PLA2G4E: variants seen among roughly 807,000 people sequenced by gnomAD.
PLA2G4E encodes the protein phospholipase A2 group IVE.
In PLA2G4E, 84 loss-of-function variants were observed where a neutral mutation model predicts 109.1. The observed-to-expected ratio is 0.77, with a 90% confidence interval of 0.65 to 0.92. The LOEUF (loss-of-function observed/expected upper bound fraction) is 0.92, where lower values mean the gene tolerates loss of function less well. Ranked by LOEUF, PLA2G4E falls within the 40% of genes least tolerant of loss-of-function variation. The probability of loss-of-function intolerance (pLI) is 0.00; values close to 1 mark genes in which losing one functional copy is unlikely to be tolerated. For missense variants in PLA2G4E, 1,057 were observed against 1,076.6 expected, an observed-to-expected ratio of 0.98 and a Z score of 0.25; for synonymous variants, 469 against 436.1, an observed-to-expected ratio of 1.08 and a Z score of -0.94.
At chr15:41,984,539 A>G in exon 19 of PLA2G4E, 1 of 1,613,754 alleles carries the variant, frequency 6.2e-7, no homozygotes, top group Non-Finnish European at 8.5e-7. Context: ...ATTCCTTGAG[A>G]TTTTCATTCT....
chr15:42,030,886 C>G (rs1187208391), intron 1 of PLA2G4E, among the ~76,000 whole-genome samples: 3 of 152,232 alleles, frequency 2.0e-5, no homozygotes, highest in African/African-American at 7.2e-5. Context: ...CAAGAGTTTA[C>G]TTTTTCATTG....
At position 42,010,131 on chromosome 15, in the gene PLA2G4E, GGC is replaced by G. The variant is rs2068518327; in HGVS notation, c.257-2268_257-2267del. On this transcript the variant is annotated intron_variant, in intron 2 of 19. Transcript: ENST00000399518. The stretch of plus-strand genomic sequence containing the variant: ...CTTCCCTTGGCTTTTCCAGAACACT[GGC>G]CCCCCCACCCCGGGCCTGGACCACA... 6.8e-6 allele frequency: 3 copies of G among 440,596 alleles called. 1 individual carries two copies. In the African/African-American group the frequency reaches 9.0e-5, roughly 13 times the overall value. The allele number at this position is 440,596 out of a possible 1,614,324, so 27.3% of individuals were successfully genotyped here.
At chr15:42,026,337 G>A (rs1325945013) in intron 1 of PLA2G4E, among the ~76,000 whole-genome samples, 1 of 152,094 alleles carries the variant, frequency 6.6e-6, no homozygotes, top group African/African-American at 2.4e-5. Flanking sequence ...CTGTTTAATG[G>A]GTGACATGGC....
chr15:42,040,199 C>A (rs1473094431), intron 1 of PLA2G4E, among the ~76,000 whole-genome samples: 1 of 151,818 alleles, frequency 6.6e-6, no homozygotes. Flanking sequence ...AACACACACA[C>A]ACACGCACAC....
In PLA2G4E at chr15:41,984,426, G is replaced by C; in HGVS notation, c.2386+10C>G. ...GCAGGTGCTGGGAACTGAGCACAGA[G>C]GCAGCTCACCTGGTGCCTTGTATTT... On this transcript the variant is annotated intron_variant, in intron 19 of 19. Coordinates refer to ENST00000399518, the Ensembl canonical transcript of PLA2G4E. 6.2e-7 allele frequency: 1 copy of C among 1,607,088 alleles called. No individual in the cohort carries two copies.
intron 11 of PLA2G4E, among the ~76,000 whole-genome samples, chr15:41,995,873 A>G (rs2068331346): frequency 6.6e-6 from 1 of 152,184 alleles, no homozygotes; most frequent in Non-Finnish European, 1.5e-5. Context: ...GCGATCCCTC[A>G]ATGGGACAAA....
chr15:41,988,099 G>C, exon 16 of PLA2G4E: 1 of 1,608,392 alleles, frequency 6.2e-7, no homozygotes, highest in South Asian at 1.1e-5. Flanking sequence ...CTCCTCCGAG[G>C]TGTGTGACAG....
At chr15:42,025,493 C>T (rs943526346) in intron 1 of PLA2G4E, among the ~76,000 whole-genome samples, 1 of 152,080 alleles carries the variant, frequency 6.6e-6, no homozygotes, top group African/African-American at 2.4e-5. Context: ...TACCTCCCCC[C>T]ACCCCCCACT....
intron 12 of PLA2G4E, among the ~76,000 whole-genome samples, chr15:41,994,118 A>G (rs2068297913): frequency 6.6e-6 from 1 of 152,142 alleles, no homozygotes; most frequent in Non-Finnish European, 1.5e-5. Flanking sequence ...ATTCTACTCC[A>G]CTGCTCATTA....
At chr15:42,010,000 G>A (rs139970821) in intron 2 of PLA2G4E, 1 of 368,644 alleles carries the variant, frequency 2.7e-6, no homozygotes, top group African/African-American at 2.1e-5. Flanking sequence ...GTGGCCACAG[G>A]ATACAGGTAC....
At chr15:42,041,538 G>A (rs1253013591) in intron 1 of PLA2G4E, among the ~76,000 whole-genome samples, 1 of 152,136 alleles carries the variant, frequency 6.6e-6, no homozygotes, top group Non-Finnish European at 1.5e-5. Flanking sequence ...GAGGATTCAA[G>A]TTATTGCAGT....
exon 20 of PLA2G4E, chr15:41,982,560 G>C (rs1254078810): frequency 1.3e-5 from 2 of 152,332 alleles, no homozygotes; most frequent in African/African-American, 4.8e-5. Context: ...GAGGCAGCCA[G>C]AGAGATGGGC....
intron 1 of PLA2G4E, among the ~76,000 whole-genome samples, chr15:42,021,558 A>T (rs944034563): frequency 5.9e-5 from 9 of 152,004 alleles, no homozygotes; most frequent in Non-Finnish European, 1.2e-4. Flanking sequence ...TAGAGGGTGA[A>T]GAAAGAAAAT....
rs139550977 is a variant in PLA2G4E at position 41,992,810 on chromosome 15, C to T, written c.1397G>A (p.Arg466His). The change falls in exon 13 of 20, where the codon CGC becomes CAC. Residue 466 changes from arginine to histidine, a missense_variant. Transcript: ENST00000399518. ...GGTGACCCTGTAGCCTTCCTGGCTG[C>T]GCTGCCGGAGCTCCTCCTGGAATTT... is the stretch of plus-strand genomic sequence containing the variant. The T allele has an allele frequency of 4.1e-4, 660 of 1,613,834 alleles. 5 individuals are homozygous for T. In the East Asian group the frequency reaches 7.1e-3, roughly 17 times the overall value.
At chr15:42,012,634 C>T (rs750548220) in intron 2 of PLA2G4E, among the ~76,000 whole-genome samples, 1 of 152,140 alleles carries the variant, frequency 6.6e-6, no homozygotes, top group Non-Finnish European at 1.5e-5. Flanking sequence ...TCTGTGCAGC[C>T]TTTCTTGGCC....
intron 1 of PLA2G4E, among the ~76,000 whole-genome samples, chr15:42,019,897 G>A (rs1315261842): frequency 1.3e-5 from 2 of 152,204 alleles, no homozygotes; most frequent in South Asian, 2.1e-4. Flanking sequence ...TGGGGTCCCG[G>A]GCTCTTAACT....
intron 6 of PLA2G4E, among the ~76,000 whole-genome samples, chr15:42,002,367 G>A (rs972220592): frequency 6.6e-6 from 1 of 151,966 alleles, no homozygotes; most frequent in Admixed American, 6.6e-5. Context: ...GCACTTAGTG[G>A]GTTGTTTTAT....
chr15:42,031,876 ATG>A (rs1344804926), intron 1 of PLA2G4E, among the ~76,000 whole-genome samples: 5 of 152,126 alleles, frequency 3.3e-5, no homozygotes, highest in Non-Finnish European at 7.4e-5. Flanking sequence ...TATCATTTGG[ATG>A]TTTGTCTCCT....
Position 42,012,397 on chromosome 15 carries a change from C to T in PLA2G4E, c.256+1288G>A, listed in dbSNP as rs536767545. On this transcript the variant is annotated intron_variant, in intron 2 of 19. Transcript: ENST00000399518. The stretch of plus-strand genomic sequence containing the variant: ...CACACTCTCCACACCTGGGACCAGA[C>T]CCTACTTCCCTCTTAGGCAATCATT... 2.0e-5 allele frequency among the ~76,000 whole-genome samples: 3 copies of T among 152,342 alleles called. No individual in the cohort carries two copies. In the South Asian group the frequency reaches 6.2e-4, roughly 32 times the overall value.
Sources: allele counts gnomAD v4.1 joint callset (sites outside exome capture counted in the v4.1 genomes callset), GRCh38; gene constraint gnomAD v4.1.1; transcripts MANE v1.5; gene names NCBI Gene and HGNC (gene_info 2026-07-23, HGNC 2026-07-21).